The following PLCH1 variants were observed in gnomAD, a reference collection of about 807,000 sequenced individuals.
PLCH1 encodes the protein 1-phosphatidylinositol 4,5-bisphosphate phosphodiesterase eta-1.
PLCH1 carries 60 observed loss-of-function variants against 126.7 expected under a neutral mutation model. That is an observed-to-expected ratio of 0.47 (90% CI 0.38 to 0.59). The LOEUF is 0.59. Among genes scored for constraint, PLCH1 ranks in the 20% least tolerant of loss-of-function variants. The pLI is 0.00. For missense variants in PLCH1, 1,723 were observed against 2,040.0 expected (o/e 0.84, Z 2.99); for synonymous variants, 719 against 734.9 (o/e 0.98, Z 0.35).
intron 15 of PLCH1, among the ~76,000 whole-genome samples, chr3:155,496,670 A>C (rs1215157774): frequency 7.3e-6 from 1 of 136,270 alleles, no homozygotes; most frequent in Non-Finnish European, 1.6e-5. Context: ...ACATGACAGT[A>C]GGTTTTTTTT....
At chr3:155,597,636 AT>A (rs1733147940) in intron 2 of PLCH1, among the ~76,000 whole-genome samples, 1 of 152,134 alleles carries the variant, frequency 6.6e-6, no homozygotes, top group Admixed American at 6.5e-5. Flanking sequence ...TTTTGGCTAA[AT>A]ATTTTATCTT....
chr3:155,621,021 G>A (rs530636021), intron 2 of PLCH1, among the ~76,000 whole-genome samples: 2 of 152,282 alleles, frequency 1.3e-5, no homozygotes, highest in South Asian at 2.1e-4. Context: ...GCCCTGGCTC[G>A]CATCTGGCGG....
rs1469278466 is a variant in PLCH1, at chr3:155,482,522, T to A, written c.3504A>T (p.Val1168=). The change falls in exon 23 of 23, where the codon GTA becomes GTT. Residue 1168 remains valine, a synonymous_variant. Transcript: ENST00000460012. ...LHSTAILQES[V]ISHLIDNVTL... Reference sequence around the variant, plus strand: ...TGACATTGTCAATAAGATGGGAAATTACACTCTCCTGCAGAATTGCAGTTG... The same window carrying A: ...TGACATTGTCAATAAGATGGGAAATAACACTCTCCTGCAGAATTGCAGTTG... 1 of 1,614,176 alleles carries A rather than the reference T, an allele frequency of 6.2e-7. No homozygotes were observed. The highest frequency in any genetic ancestry group is 8.5e-7 in the Non-Finnish European group (1 of 1,180,032).
At chr3:155,640,003 C>T (rs917317772) in intron 2 of PLCH1, among the ~76,000 whole-genome samples, 9 of 152,184 alleles carry the variant, frequency 5.9e-5, no homozygotes, top group African/African-American at 2.2e-4. Context: ...TTTCTGAGGC[C>T]TCCTCAGCCA....
intron 21 of PLCH1, among the ~76,000 whole-genome samples, chr3:155,455,778 A>C (rs1682109720): frequency 6.6e-6 from 1 of 152,224 alleles, no homozygotes; most frequent in Admixed American, 6.5e-5. Flanking sequence ...CACTTTCTCC[A>C]ATTTTGTTTT....
intron 10 of PLCH1, among the ~76,000 whole-genome samples, chr3:155,543,860 G>T (rs1724780782): frequency 6.6e-6 from 1 of 151,594 alleles, no homozygotes; most frequent in Non-Finnish European, 1.5e-5. Flanking sequence ...TCACCACCAG[G>T]CCTGCCCTAA....
chr3:155,579,850 CTCTG>C (rs1026410587), intron 6 of PLCH1, among the ~76,000 whole-genome samples: 3 of 152,030 alleles, frequency 2.0e-5, no homozygotes, highest in African/African-American at 4.8e-5. Flanking sequence ...CAGTCTCTGT[CTCTG>C]TCTGTCTGTC....
chr3:155,564,125 TA>T (rs140103749), intron 8 of PLCH1, among the ~76,000 whole-genome samples: 3 of 151,792 alleles, frequency 2.0e-5, no homozygotes, highest in Admixed American at 2.0e-4. Context: ...TATTATTTTA[TA>T]AAAAAAATGT....
At chr3:155,453,013 T>A (rs959994120) in intron 21 of PLCH1, among the ~76,000 whole-genome samples, 1 of 152,142 alleles carries the variant, frequency 6.6e-6, no homozygotes, top group Non-Finnish European at 1.5e-5. Context: ...TGGGTACATG[T>A]GGGAAGACTC....
rs540194251 is a variant in PLCH1, at chr3:155,672,135, G to A, written c.79+32011C>T. 2.9e-4 allele frequency among the ~76,000 whole-genome samples: 44 copies of A among 152,196 alleles called. 1 individual carries two copies. In the South Asian group the frequency reaches 8.7e-3, roughly 30 times the overall value. ...CCTAAGAGAAAACGTAAAATATGAT[G>A]AATCCTACTGTGTTCCTGAAAGGGG... On this transcript the variant is annotated intron_variant, in intron 2 of 22. Transcript: ENST00000460012.
At chr3:155,606,500 T>C (rs1373149434) in intron 2 of PLCH1, among the ~76,000 whole-genome samples, 1 of 152,172 alleles carries the variant, frequency 6.6e-6, no homozygotes, top group African/African-American at 2.4e-5. Context: ...AGGTAAGAAA[T>C]ATACTTTTAG....
At chr3:155,612,908 T>TAAAAAAAAAAA (rs59489759) in intron 2 of PLCH1, among the ~76,000 whole-genome samples, 26 of 94,550 alleles carry the variant, frequency 2.7e-4, no homozygotes, top group South Asian at 4.4e-4. Context: ...AACTGTGTAT[T>TAAAAAAAAAAA]AAAAAAAAAA....
intron 19 of PLCH1, among the ~76,000 whole-genome samples, chr3:155,489,825 C>T (rs1454798516): frequency 2.0e-5 from 3 of 152,118 alleles, no homozygotes; most frequent in East Asian, 1.9e-4. Flanking sequence ...GTATGCATTT[C>T]GGAGGTATCA....
intron 2 of PLCH1, among the ~76,000 whole-genome samples, chr3:155,702,958 C>A (rs1746382527): frequency 1.3e-5 from 2 of 152,168 alleles, no homozygotes; most frequent in South Asian, 4.1e-4. Flanking sequence ...AAGGGCACTT[C>A]ACCACTGGAA....
intron 18 of PLCH1, among the ~76,000 whole-genome samples, chr3:155,492,216 G>T: frequency 6.6e-6 from 1 of 152,152 alleles, no homozygotes; most frequent in Admixed American, 6.6e-5. Context: ...AGGTATAATG[G>T]AAACAATGGG....
chr3:155,568,754 C>CTGTGTGTGTGTGTGTGTGTGTG (rs3068946), intron 6 of PLCH1, among the ~76,000 whole-genome samples: 417 of 147,262 alleles, frequency 2.8e-3, no homozygotes, highest in African/African-American at 6.8e-3. Flanking sequence ...AAATGTACCT[C>CTGTGTGTGTGTGTGTGTGTGTG]TGTGTGTGTG....
rs74621031 is a variant in PLCH1, at chr3:155,514,150, G to A, written c.1632+573C>T. Among the ~76,000 whole-genome samples, 118 of 152,242 alleles carry A rather than the reference G, an allele frequency of 7.8e-4. 1 individual carries two copies. The highest frequency in any genetic ancestry group is 2.4e-3 in the African/African-American group (101 of 41,548). ...AGGCCATTCTACAAATAAATTTGCC[G>A]CTTACCAACATCTTCTTCATCATTG... On this transcript the variant is annotated intron_variant, in intron 12 of 22. Transcript: ENST00000460012.
intron 10 of PLCH1, among the ~76,000 whole-genome samples, chr3:155,536,193 C>T (rs628026): frequency 6.6e-6 from 1 of 152,028 alleles, no homozygotes; most frequent in East Asian, 1.9e-4. Context: ...AATACCAGAT[C>T]TTCCCTCTGA....
intron 2 of PLCH1, among the ~76,000 whole-genome samples, chr3:155,650,478 A>C (rs1740591108): frequency 6.6e-6 from 1 of 152,242 alleles, no homozygotes; most frequent in Admixed American, 6.5e-5. Context: ...CCTCTCAAAG[A>C]AAATGTTACT....
Sources: allele counts gnomAD v4.1 joint callset (sites outside exome capture counted in the v4.1 genomes callset), GRCh38; gene constraint gnomAD v4.1.1; transcripts MANE v1.5; gene names NCBI Gene and HGNC (gene_info 2026-07-23, HGNC 2026-07-21).